Variants in SEMA3A observed in about 807,000 individuals in gnomAD.
SEMA3A encodes semaphorin 3A.
A neutral mutation model predicts 97.9 loss-of-function variants in SEMA3A; 29 were observed. The observed-to-expected ratio is 0.30, with a 90% CI of 0.22 to 0.40. SEMA3A has a LOEUF of 0.40. Ranked by LOEUF, SEMA3A falls within the 10% of genes least tolerant of loss-of-function variation. SEMA3A has a pLI of 1.00. For missense variants in SEMA3A, 763 were observed against 951.3 expected, an observed-to-expected ratio of 0.80 and a Z score of 2.60; for synonymous variants, 321 against 323.7, an observed-to-expected ratio of 0.99 and a Z score of 0.09.
At chr7:84,025,151 C>G (rs555063118) in intron 6 of SEMA3A, among the ~76,000 whole-genome samples, 1 of 152,226 alleles carries the variant, frequency 6.6e-6, no homozygotes, top group South Asian at 2.1e-4. Context: ...CCAGTGGAAG[C>G]AAGTTGGTAG....
intron 1 of SEMA3A, among the ~76,000 whole-genome samples, chr7:84,170,314 A>C (rs1797347116): frequency 6.6e-6 from 1 of 152,030 alleles, no homozygotes; most frequent in South Asian, 2.1e-4. Flanking sequence ...GTAATACACA[A>C]AATTAAAATG....
chr7:84,480,061 C>A (rs902760203), intron 1 of SEMA3A, among the ~76,000 whole-genome samples: 5 of 152,156 alleles, frequency 3.3e-5, no homozygotes, highest in African/African-American at 1.2e-4. Flanking sequence ...TAAATGACAA[C>A]ATGATTAATT....
intron 3 of SEMA3A, among the ~76,000 whole-genome samples, chr7:84,202,339 C>T (rs890084809): frequency 9.2e-5 from 14 of 152,140 alleles, no homozygotes; most frequent in African/African-American, 3.1e-4. Flanking sequence ...ACAGTTAATA[C>T]ATCCAATTTT....
chr7:84,033,016 C>G (rs1791814935), intron 6 of SEMA3A, among the ~76,000 whole-genome samples: 1 of 151,914 alleles, frequency 6.6e-6, no homozygotes, highest in Non-Finnish European at 1.5e-5. Context: ...TTACTGAGAG[C>G]TTCTGACAAA....
chr7:84,275,675 C>T (rs1443883207), intron 3 of SEMA3A, among the ~76,000 whole-genome samples: 3 of 151,954 alleles, frequency 2.0e-5, no homozygotes, highest in Admixed American at 6.6e-5. Context: ...AGAATCCTAG[C>T]CCTGTGCTCT....
chr7:84,455,496 G>A (rs1016801819), intron 1 of SEMA3A, among the ~76,000 whole-genome samples: 2 of 151,806 alleles, frequency 1.3e-5, no homozygotes, highest in African/African-American at 4.8e-5. Flanking sequence ...CTTTACAATA[G>A]CTTAGAAGGT....
At chr7:84,304,248 A>C (rs903985769) in intron 3 of SEMA3A, among the ~76,000 whole-genome samples, 1 of 152,140 alleles carries the variant, frequency 6.6e-6, no homozygotes, top group Non-Finnish European at 1.5e-5. Context: ...GATGTAGAGC[A>C]GGGGTCAGCA....
intron 3 of SEMA3A, among the ~76,000 whole-genome samples, chr7:84,277,741 G>T (rs866496981): frequency 6.6e-6 from 1 of 152,068 alleles, no homozygotes; most frequent in Non-Finnish European, 1.5e-5. Context: ...CAGGGCAATC[G>T]GGTCCTAGGC....
At chr7:84,052,575 T>C (rs1792729442) in intron 5 of SEMA3A, among the ~76,000 whole-genome samples, 2 of 152,136 alleles carry the variant, frequency 1.3e-5, no homozygotes, top group Non-Finnish European at 2.9e-5. Context: ...TGTCATTTTT[T>C]ATTGTGTCTA....
intron 3 of SEMA3A, among the ~76,000 whole-genome samples, chr7:84,285,424 A>C (rs924207877): frequency 6.6e-6 from 1 of 152,236 alleles, no homozygotes; most frequent in African/African-American, 2.4e-5. Context: ...TTTAATTTTT[A>C]AAACATGCAG....
chr7:84,017,479 T>C (rs1477785599), intron 6 of SEMA3A, among the ~76,000 whole-genome samples: 2 of 152,014 alleles, frequency 1.3e-5, no homozygotes, highest in East Asian at 3.9e-4. Flanking sequence ...ACACAGAAAA[T>C]GAGAATATCC....
intron 2 of SEMA3A, among the ~76,000 whole-genome samples, chr7:84,313,024 G>A (rs1428568152): frequency 7.4e-6 from 1 of 135,670 alleles, no homozygotes; most frequent in African/African-American, 2.7e-5. Context: ...TATATATGTA[G>A]GTATACATAC....
At chr7:84,217,458 T>A (rs187405391) in intron 3 of SEMA3A, among the ~76,000 whole-genome samples, 1 of 152,074 alleles carries the variant, frequency 6.6e-6, no homozygotes, top group Non-Finnish European at 1.5e-5. Context: ...CTTGACCCTA[T>A]ATAAAAAATC....
intron 2 of SEMA3A, among the ~76,000 whole-genome samples, chr7:84,332,564 CT>C (rs929640030): frequency 1.3e-5 from 2 of 151,924 alleles, no homozygotes; most frequent in African/African-American, 4.8e-5. Context: ...GAAGCTAATC[CT>C]TGTTTTCTTT....
chr7:84,275,852 G>T (rs905832464), intron 3 of SEMA3A, among the ~76,000 whole-genome samples: 1 of 151,906 alleles, frequency 6.6e-6, no homozygotes, highest in Non-Finnish European at 1.5e-5. Flanking sequence ...ATTACATGTT[G>T]AAATAATTTT....
chr7:84,050,085 G>A (rs1297179361), intron 5 of SEMA3A, among the ~76,000 whole-genome samples: 3 of 151,272 alleles, frequency 2.0e-5, no homozygotes, highest in Non-Finnish European at 4.4e-5. Context: ...TGGTGTATAT[G>A]TGCCACATTT....
intron 5 of SEMA3A, among the ~76,000 whole-genome samples, chr7:84,051,445 C>A (rs2115620781): frequency 6.6e-6 from 1 of 152,238 alleles, no homozygotes; most frequent in South Asian, 2.1e-4. Context: ...AAGTTGGATT[C>A]CTAGGTATTT....
intron 3 of SEMA3A, among the ~76,000 whole-genome samples, chr7:84,207,389 C>T (rs1798517532): frequency 6.6e-6 from 1 of 152,202 alleles, no homozygotes; most frequent in African/African-American, 2.4e-5. Flanking sequence ...GAACTCTGCC[C>T]ATTCTATCAA....
intron 2 of SEMA3A, among the ~76,000 whole-genome samples, chr7:84,337,797 C>T (rs1469177021): frequency 3.3e-5 from 5 of 151,976 alleles, no homozygotes; most frequent in East Asian, 1.9e-4. Flanking sequence ...GGCACATGTT[C>T]GTCTTGATCT....
Sources: allele counts gnomAD v4.1 joint callset (sites outside exome capture counted in the v4.1 genomes callset), GRCh38; gene constraint gnomAD v4.1.1; transcripts MANE v1.5; gene names NCBI Gene and HGNC (gene_info 2026-07-23, HGNC 2026-07-21).